Variants in CEP57L1 observed in about 807,000 individuals in gnomAD.
CEP57L1 encodes centrosomal protein CEP57L1.
A neutral mutation model predicts 61.0 loss-of-function variants in CEP57L1; 37 were observed. That is an observed-to-expected ratio of 0.61 (90% CI 0.47 to 0.80). The LOEUF is 0.80. CEP57L1 is among the 30% of genes least tolerant of loss of function. The pLI is 0.00. For missense variants in CEP57L1, 422 were observed against 524.7 expected (o/e 0.80, Z 1.91); for synonymous variants, 137 against 162.3 (o/e 0.84, Z 1.19).
Position 109,146,860 on chromosome 6 carries a change from C to A in CEP57L1, c.263C>A (p.Ala88Glu), listed in dbSNP as rs544307335. The change falls in exon 3 of 11, where the codon GCA (alanine) becomes GAA (glutamate). Residue 88 changes from alanine (A) to glutamate (E), a missense_variant. By Grantham distance (107) the Ala-to-Glu change is moderately radical. Transcript: ENST00000517392. ...CTGAACATTCTTTCCAGAGAAGCAG[C>A]ACAGTATAAGAAGGCCTTAGAGAAT... ...DNLNILSREAAQYKKALENET... is the reference protein window; with the variant it reads ...DNLNILSREAEQYKKALENET... 4 of 1,610,546 alleles carry A rather than the reference C, an allele frequency of 2.5e-6. No homozygotes were observed. The highest frequency in any genetic ancestry group is 3.4e-5 in the Admixed American group (2 of 59,550).
chr6:109,113,760 T>C (rs1771954586), intron 1 of CEP57L1, among the ~76,000 whole-genome samples: 1 of 152,186 alleles, frequency 6.6e-6, no homozygotes, highest in Admixed American at 6.6e-5. Flanking sequence ...TTGTTGTATG[T>C]ATTTCTATTA....
chr6:109,127,803 A>G (rs951989079), intron 1 of CEP57L1, among the ~76,000 whole-genome samples: 3 of 146,004 alleles, frequency 2.1e-5, no homozygotes, highest in African/African-American at 7.6e-5. Context: ...TTTTTTTTTT[A>G]ATTTTTAGTA....
chr6:109,151,762 T>C (rs1772638182), intron 4 of CEP57L1, among the ~76,000 whole-genome samples: 1 of 152,170 alleles, frequency 6.6e-6, no homozygotes, highest in African/African-American at 2.4e-5. Context: ...GTGAAAGATA[T>C]TTTGGCTGGA....
At chr6:109,097,025 A>G (rs1310425812) in intron 1 of CEP57L1, among the ~76,000 whole-genome samples, 1 of 152,214 alleles carries the variant, frequency 6.6e-6, no homozygotes, top group African/African-American at 2.4e-5. Flanking sequence ...CAACATACCT[A>G]AAACCAAATG....
chr6:109,096,700 T>G (rs1416030063), intron 1 of CEP57L1, among the ~76,000 whole-genome samples: 1 of 152,244 alleles, frequency 6.6e-6, no homozygotes, highest in Non-Finnish European at 1.5e-5. Context: ...CCTTGTTACA[T>G]TCTGACACTT....
In CEP57L1 at chr6:109,104,982, C is replaced by T. The variant is rs115644548; in HGVS notation, c.-4+9407C>T. On this transcript the variant is annotated intron_variant, in intron 1 of 10. Transcript: ENST00000517392. ...CATTTTCCTGATCAATGAAGTAGAA[C>T]GTTTTTGTCCTTTTAGCTATTCGTG... Among the ~76,000 whole-genome samples the T allele has an allele frequency of 8.3e-3, 1,261 of 152,112 alleles. 24 individuals are homozygous for T. Among genetic ancestry groups the T allele is most frequent in the African/African-American group, 0.029 (1,210 of 41,498 alleles).
chr6:109,097,312 T>A (rs1781821568), intron 1 of CEP57L1, among the ~76,000 whole-genome samples: 3 of 152,212 alleles, frequency 2.0e-5, no homozygotes, highest in Admixed American at 2.0e-4. Flanking sequence ...CCTCCATTAG[T>A]TCTCCATTAT....
chr6:109,098,146 C>G (rs1191212122), intron 1 of CEP57L1, among the ~76,000 whole-genome samples: 1 of 152,180 alleles, frequency 6.6e-6, no homozygotes, highest in Non-Finnish European at 1.5e-5. Context: ...CTTTCTCTCT[C>G]TCTCTCTCTC....
intron 1 of CEP57L1, among the ~76,000 whole-genome samples, chr6:109,097,469 A>G (rs147002144): frequency 6.6e-6 from 1 of 152,274 alleles, no homozygotes; most frequent in African/African-American, 2.4e-5. Flanking sequence ...AACTTCATAT[A>G]TTGCCCTCCA....
In CEP57L1 at chr6:109,096,335, A is replaced by G. The variant is rs929327378; in HGVS notation, c.-4+760A>G. Among the ~76,000 whole-genome samples the G allele has an allele frequency of 1.5e-4, 23 of 152,192 alleles. No homozygotes were observed. In the South Asian group the frequency reaches 1.7e-3, roughly 11 times the overall value. ...AAAGACAGTCTTACTAGTTAGAGGA[A>G]CTAGTTGTTAGACATACGGTTACAA... On this transcript the variant is annotated intron_variant, in intron 1 of 10. Transcript: ENST00000517392.
intron 1 of CEP57L1, among the ~76,000 whole-genome samples, chr6:109,097,931 T>C (rs1031933067): frequency 1.3e-5 from 2 of 152,066 alleles, no homozygotes; most frequent in Non-Finnish European, 1.5e-5. Flanking sequence ...ATTTGAGAAA[T>C]AGCAAGAAGG....
At chr6:109,109,038 A>G (rs978698580) in intron 1 of CEP57L1, among the ~76,000 whole-genome samples, 1 of 152,244 alleles carries the variant, frequency 6.6e-6, no homozygotes, top group Non-Finnish European at 1.5e-5. Flanking sequence ...CTAGAAATAC[A>G]AATTTCTAAC....
chr6:109,152,408 C>T (rs1772716219), intron 4 of CEP57L1, among the ~76,000 whole-genome samples: 1 of 152,094 alleles, frequency 6.6e-6, no homozygotes, highest in African/African-American at 2.4e-5. Flanking sequence ...GTCTCAAACT[C>T]CTGACCTCAG....
intron 1 of CEP57L1, among the ~76,000 whole-genome samples, chr6:109,141,032 A>G (rs947027843): frequency 1.3e-5 from 2 of 151,050 alleles, no homozygotes; most frequent in East Asian, 2.0e-4. Flanking sequence ...AGGTTTCACC[A>G]TGTTGGCCAA....
intron 1 of CEP57L1, among the ~76,000 whole-genome samples, chr6:109,116,332 C>G (rs1189574682): frequency 6.6e-6 from 1 of 152,002 alleles, no homozygotes; most frequent in African/African-American, 2.4e-5. Flanking sequence ...CATATGCCAC[C>G]ACGCCCACCT....
chr6:109,109,402 AT>A (rs1771312440), intron 1 of CEP57L1, among the ~76,000 whole-genome samples: 1 of 152,216 alleles, frequency 6.6e-6, no homozygotes, highest in Non-Finnish European at 1.5e-5. Context: ...CAGGAAATTC[AT>A]TTAATTTAGG....
intron 1 of CEP57L1, among the ~76,000 whole-genome samples, chr6:109,143,816 G>A (rs917625548): frequency 1.3e-5 from 2 of 152,038 alleles, no homozygotes; most frequent in East Asian, 1.9e-4. Context: ...AAACCCACCC[G>A]GAGCTGAAAA....
At chr6:109,136,700 TTTTTATTTTATTTTA>T (rs557844549) in intron 1 of CEP57L1, among the ~76,000 whole-genome samples, 7,291 of 115,732 alleles carry the variant, frequency 0.063, 278 homozygotes, top group African/African-American at 0.1. Context: ...GAAACTTGTA[TTTTTATTTTATTTTA>T]TTTTATTTTA....
At chr6:109,162,268 C>G (rs1773784068) in intron 10 of CEP57L1, among the ~76,000 whole-genome samples, 1 of 151,956 alleles carries the variant, frequency 6.6e-6, no homozygotes, top group Non-Finnish European at 1.5e-5. Flanking sequence ...ACTTTCAAAA[C>G]TTGATACTCA....
Sources: gnomAD v4.1 joint callset for allele counts (sites outside exome capture counted in the v4.1 genomes callset) on GRCh38, gnomAD v4.1.1 for gene constraint, MANE v1.5 for transcripts, NCBI Gene and HGNC (gene_info 2026-07-23, HGNC 2026-07-21) for gene names.